Variants in PDE4D observed in about 807,000 individuals in gnomAD.
PDE4D encodes the protein 3',5'-cyclic-AMP phosphodiesterase 4D.
A neutral mutation model predicts 87.4 loss-of-function variants in PDE4D; 24 were observed. The ratio of observed to expected loss-of-function variants is 0.27; its 90% CI spans 0.20 to 0.39. The LOEUF (loss-of-function observed/expected upper bound fraction) is 0.39, where lower values mean the gene tolerates loss of function less well. Among genes scored for constraint, PDE4D ranks in the 10% least tolerant of loss-of-function variants. The probability of loss-of-function intolerance (pLI) is 1.00; values close to 1 mark genes in which losing one functional copy is unlikely to be tolerated. For missense variants in PDE4D, 714 were observed against 1,041.0 expected, an observed-to-expected ratio of 0.69 and a Z score of 4.32; for synonymous variants, 384 against 383.2, an observed-to-expected ratio of 1.00 and a Z score of -0.02.
At chr5:59,495,646 C>T (rs1032414140) in intron 1 of PDE4D, among the ~76,000 whole-genome samples, 3 of 152,066 alleles carry the variant, frequency 2.0e-5, no homozygotes, top group African/African-American at 4.8e-5. Context: ...GGAGAGTTCC[C>T]GAAGCCAGGT....
intron 1 of PDE4D, among the ~76,000 whole-genome samples, chr5:60,443,317 G>GT (rs1285870783): frequency 6.6e-6 from 1 of 152,082 alleles, no homozygotes; most frequent in Non-Finnish European, 1.5e-5. Flanking sequence ...GAACGTTAAG[G>GT]TATTCAACTA....
intron 1 of PDE4D, among the ~76,000 whole-genome samples, chr5:60,237,232 A>C (rs1746528427): frequency 6.6e-6 from 1 of 151,986 alleles, no homozygotes; most frequent in Non-Finnish European, 1.5e-5. Context: ...TTTCTTTAAA[A>C]ACTAAATATG....
chr5:59,504,629 C>T (rs78686292), intron 1 of PDE4D, among the ~76,000 whole-genome samples: 1 of 152,232 alleles, frequency 6.6e-6, no homozygotes, highest in East Asian at 1.9e-4. Flanking sequence ...CCTCTCTCTT[C>T]CCCTCTGTCC....
intron 6 of PDE4D, among the ~76,000 whole-genome samples, chr5:59,026,323 C>T (rs1160016126): frequency 6.6e-6 from 1 of 152,100 alleles, no homozygotes; most frequent in Admixed American, 6.5e-5. Context: ...CTCAGGATTC[C>T]TGTCACTGAA....
intron 1 of PDE4D, among the ~76,000 whole-genome samples, chr5:59,318,940 A>G (rs1774217193): frequency 6.6e-6 from 1 of 152,140 alleles, no homozygotes; most frequent in Non-Finnish European, 1.5e-5. Flanking sequence ...AATAAAAAAA[A>G]GACCATAGCC....
At chr5:59,596,419 G>A (rs1826694158) in intron 1 of PDE4D, among the ~76,000 whole-genome samples, 1 of 151,438 alleles carries the variant, frequency 6.6e-6, no homozygotes, top group Admixed American at 6.6e-5. Flanking sequence ...CAGAGACATT[G>A]CCACTCCATT....
At chr5:60,383,090 T>C (rs1583587036) in intron 1 of PDE4D, among the ~76,000 whole-genome samples, 1 of 152,166 alleles carries the variant, frequency 6.6e-6, no homozygotes, top group Non-Finnish European at 1.5e-5. Context: ...AACACCACAT[T>C]CTATAATTAT....
At chr5:59,198,369 A>G (rs1193499385) in intron 2 of PDE4D, among the ~76,000 whole-genome samples, 1 of 152,232 alleles carries the variant, frequency 6.6e-6, no homozygotes, top group African/African-American at 2.4e-5. Flanking sequence ...ATATGTATGT[A>G]TGTGAGAGAT....
chr5:59,425,139 T>G (rs2702371), intron 1 of PDE4D, among the ~76,000 whole-genome samples: 1 of 152,004 alleles, frequency 6.6e-6, no homozygotes, highest in Non-Finnish European at 1.5e-5. Flanking sequence ...AATTACTGAA[T>G]GCTTTATATT....
At chr5:60,220,100 T>C (rs1744315101) in intron 1 of PDE4D, among the ~76,000 whole-genome samples, 1 of 152,168 alleles carries the variant, frequency 6.6e-6, no homozygotes, top group Non-Finnish European at 1.5e-5. Context: ...TTCAGGCCTA[T>C]GTCCTGGGGG....
chr5:60,229,293 C>A (rs939193930), intron 1 of PDE4D, among the ~76,000 whole-genome samples: 2 of 152,058 alleles, frequency 1.3e-5, no homozygotes, highest in Admixed American at 6.6e-5. Flanking sequence ...ATTATGTTTT[C>A]AGCTTATGAT....
chr5:60,355,564 G>A (rs1016717746), intron 1 of PDE4D, among the ~76,000 whole-genome samples: 15 of 152,148 alleles, frequency 9.9e-5, no homozygotes, highest in African/African-American at 3.6e-4. Flanking sequence ...ACAAGGTGGG[G>A]GTTGGGGGCA....
intron 1 of PDE4D, among the ~76,000 whole-genome samples, chr5:59,727,018 AG>A (rs552169657): frequency 1.3e-5 from 2 of 152,092 alleles, no homozygotes; most frequent in Non-Finnish European, 2.9e-5. Context: ...ACAGCCCAAT[AG>A]AGGAGAAAGT....
chr5:59,144,889 ATGG>A (rs1359867918), intron 5 of PDE4D, among the ~76,000 whole-genome samples: 1 of 2,138 alleles, frequency 4.7e-4, no homozygotes, highest in African/African-American at 1.5e-3. Flanking sequence ...ATAGGGTTTA[ATGG>A]GGGGGGGGGG....
chr5:59,817,742 A>ACCCCCCCCCC (rs567130519), intron 1 of PDE4D, among the ~76,000 whole-genome samples: 1 of 122,238 alleles, frequency 8.2e-6, no homozygotes, highest in Non-Finnish European at 1.8e-5. Context: ...ACACACCCAC[A>ACCCCCCCCCC]CCCCCCCCCA....
At chr5:59,774,689 CTTTTT>C (rs71604800) in intron 1 of PDE4D, among the ~76,000 whole-genome samples, 3 of 132,408 alleles carry the variant, frequency 2.3e-5, no homozygotes, top group African/African-American at 8.4e-5. Flanking sequence ...TTTCTTTTTT[CTTTTT>C]TTTTTTTTTC....
chr5:60,504,715 G>C (rs1750249200), intron 1 of PDE4D, among the ~76,000 whole-genome samples: 1 of 152,106 alleles, frequency 6.6e-6, no homozygotes, highest in Admixed American at 6.6e-5. Flanking sequence ...AAATGTATTT[G>C]ACATTAAAAT....
intron 1 of PDE4D, among the ~76,000 whole-genome samples, chr5:60,355,418 T>G (rs1054125225): frequency 8.5e-5 from 13 of 152,344 alleles, no homozygotes; most frequent in African/African-American, 3.1e-4. Flanking sequence ...GAGGGCCATG[T>G]ACACCTGGAT....
At position 59,013,839 on chromosome 5, in the gene PDE4D, C is replaced by CA. The variant is rs200164528; in HGVS notation, c.922-20375dup. ...ATACCAATGCCTGGCGGAGACACAACAAAAAAAAGAGAATTTTAGACCAAC... is the reference window on the plus strand; with the variant it reads ...ATACCAATGCCTGGCGGAGACACAACAAAAAAAAAGAGAATTTTAGACCAAC... On this transcript the variant is annotated intron_variant, in intron 6 of 14. Coordinates refer to ENST00000340635, the MANE Select transcript of PDE4D (RefSeq NM_001104631.2). 8.2e-3 allele frequency among the ~76,000 whole-genome samples: 1,234 copies of CA among 150,780 alleles called. 18 individuals carry two copies. Among genetic ancestry groups the CA allele is most frequent in the African/African-American group, 0.028 (1,167 of 41,040 alleles).
Sources: allele counts gnomAD v4.1 joint callset (sites outside exome capture counted in the v4.1 genomes callset), GRCh38; gene constraint gnomAD v4.1.1; transcripts MANE v1.5; gene names NCBI Gene and HGNC (gene_info 2026-07-23, HGNC 2026-07-21).